KIAA1217: variants seen among roughly 807,000 people sequenced by gnomAD.
KIAA1217 encodes the protein sickle tail protein homolog.
In KIAA1217, 88 loss-of-function variants were observed where a neutral mutation model predicts 163.9. The observed-to-expected ratio is 0.54, with a 90% CI of 0.45 to 0.64. KIAA1217 has a LOEUF of 0.64. KIAA1217 is among the 30% of genes least tolerant of loss of function. The probability of loss-of-function intolerance (pLI) is 0.00; values close to 1 mark genes in which losing one functional copy is unlikely to be tolerated. For synonymous variants in KIAA1217, 903 were observed against 923.1 expected (o/e 0.98, Z 0.39); for missense variants, 2,372 against 2,475.0 (o/e 0.96, Z 0.88).
At chr10:24,430,297 G>A (rs1008880359) in intron 3 of KIAA1217, among the ~76,000 whole-genome samples, 10 of 152,214 alleles carry the variant, frequency 6.6e-5, no homozygotes, top group Admixed American at 3.9e-4. Flanking sequence ...TGGTCAGCCA[G>A]AATCCAGTGT....
intron 2 of KIAA1217, among the ~76,000 whole-genome samples, chr10:24,305,920 G>A (rs902539150): frequency 2.0e-5 from 3 of 152,004 alleles, no homozygotes; most frequent in African/African-American, 7.3e-5. Flanking sequence ...GATCGCCCAG[G>A]AGAGGAAATA....
chr10:23,989,370 T>C (rs988095374), intron 1 of KIAA1217, among the ~76,000 whole-genome samples: 15 of 152,226 alleles, frequency 9.9e-5, no homozygotes, highest in African/African-American at 3.6e-4. Flanking sequence ...TAAAACTATG[T>C]ATTTTTTTAT....
chr10:24,002,117 G>T (rs1846769675), intron 1 of KIAA1217, among the ~76,000 whole-genome samples: 1 of 152,172 alleles, frequency 6.6e-6, no homozygotes, highest in African/African-American at 2.4e-5. Context: ...CAATCTCACG[G>T]GGCTCTCAGG....
intron 1 of KIAA1217, among the ~76,000 whole-genome samples, chr10:23,788,286 C>G (rs1243877372): frequency 6.6e-6 from 1 of 152,010 alleles, no homozygotes; most frequent in Admixed American, 6.6e-5. Context: ...TGTTGATAGC[C>G]CAGTGGGAGA....
Position 23,780,882 on chromosome 10 carries a change from T to C in KIAA1217, c.-321+85648T>C, listed in dbSNP as rs181095016. On this transcript the variant is annotated intron_variant, in intron 1 of 18. Transcript: ENST00000376462. Reference sequence around the variant, plus strand: ...TTTTAGTAGAGACTGGGTTTCGCCATGTTAGGTAGGCTGGTCTCGAACTCC... The same window carrying C: ...TTTTAGTAGAGACTGGGTTTCGCCACGTTAGGTAGGCTGGTCTCGAACTCC... 3.3e-3 allele frequency among the ~76,000 whole-genome samples: 497 copies of C among 152,254 alleles called. 2 individuals carry two copies. The highest frequency in any genetic ancestry group is 0.013 in the Admixed American group (201 of 15,282).
At chr10:24,361,112 A>AT (rs1397029980) in intron 2 of KIAA1217, among the ~76,000 whole-genome samples, 1 of 151,786 alleles carries the variant, frequency 6.6e-6, no homozygotes, top group African/African-American at 2.4e-5. Flanking sequence ...TCCTTCTCCT[A>AT]TTTTTTTCTA....
At chr10:24,374,745 A>G (rs143671656) in intron 2 of KIAA1217, among the ~76,000 whole-genome samples, 4 of 152,178 alleles carry the variant, frequency 2.6e-5, no homozygotes, top group African/African-American at 9.7e-5. Context: ...CCAAGAAGAC[A>G]TGCATAGCTA....
At chr10:24,402,798 A>G (rs1038558368) in intron 3 of KIAA1217, among the ~76,000 whole-genome samples, 1 of 152,214 alleles carries the variant, frequency 6.6e-6, no homozygotes, top group African/African-American at 2.4e-5. Flanking sequence ...TGGTTTACAA[A>G]TATTTCCTTT....
chr10:24,065,366 G>T (rs1449886456), intron 2 of KIAA1217, among the ~76,000 whole-genome samples: 1 of 152,100 alleles, frequency 6.6e-6, no homozygotes, highest in Non-Finnish European at 1.5e-5. Flanking sequence ...TGGTTTCAAA[G>T]AACATCTTTA....
intron 3 of KIAA1217, among the ~76,000 whole-genome samples, chr10:24,393,965 G>A (rs745908729): frequency 6.6e-6 from 1 of 152,208 alleles, no homozygotes; most frequent in Non-Finnish European, 1.5e-5. Flanking sequence ...TATGACAGTT[G>A]TCACAAACAT....
In KIAA1217 at chr10:24,543,505, A is replaced by C; in HGVS notation, c.4235A>C (p.Gln1412Pro). Residue 1412 changes from glutamine to proline, a missense_variant, in exon 19 of 21, where the codon CAG (glutamine) becomes CCG (proline). Around this residue, in one of 3 missense-constraint regions of KIAA1217, gnomAD observed 690 missense variants for 677.5 expected, o/e 1.02. Transcript: ENST00000376454. ...DIVSQKGEDI[Q>P]TVNIDARKEM... The stretch of plus-strand genomic sequence containing the variant: ...GTTAGCCAAAAGGGAGAAGACATAC[A>C]GACGGTTAATATCGATGCCAGAAAA... 1 of 1,614,208 alleles carries C rather than the reference A, an allele frequency of 6.2e-7. No homozygotes were observed. Among genetic ancestry groups the C allele is most frequent in the East Asian group, 2.2e-5 (1 of 44,886 alleles).
At position 23,939,932 on chromosome 10, in the gene KIAA1217, A is replaced by G. The variant is rs986397017; in HGVS notation, c.-320-67293A>G. 1.1e-4 allele frequency among the ~76,000 whole-genome samples: 17 copies of G among 149,644 alleles called. 1 individual carries two copies. In the East Asian group the frequency reaches 3.3e-3, roughly 29 times the overall value. Reference sequence around the variant, plus strand: ...ATATTTACTGTTTAGTAAATATGACACATATTAAATATATAATATTAAATA... The same window carrying G: ...ATATTTACTGTTTAGTAAATATGACGCATATTAAATATATAATATTAAATA... On this transcript the variant is annotated intron_variant, in intron 1 of 18. Transcript: ENST00000376462.
intron 2 of KIAA1217, among the ~76,000 whole-genome samples, chr10:24,150,910 TCCTGG>T (rs1219959863): frequency 6.6e-6 from 1 of 152,162 alleles, no homozygotes; most frequent in Non-Finnish European, 1.5e-5. Context: ...GGCAGCATGC[TCCTGG>T]CTGTCATTCT....
At chr10:24,293,485 T>A (rs1424513186) in intron 2 of KIAA1217, among the ~76,000 whole-genome samples, 1 of 152,230 alleles carries the variant, frequency 6.6e-6, no homozygotes, top group Admixed American at 6.5e-5. Flanking sequence ...GCATTTAGCA[T>A]CTTTACACAC....
chr10:24,394,766 C>T (rs1489239206), intron 3 of KIAA1217, among the ~76,000 whole-genome samples: 1 of 152,188 alleles, frequency 6.6e-6, no homozygotes, highest in Non-Finnish European at 1.5e-5. Context: ...GCCAGTTTCC[C>T]ATACCCACAT....
chr10:24,389,321 T>TCC (rs943862640), intron 3 of KIAA1217, among the ~76,000 whole-genome samples: 6 of 151,926 alleles, frequency 3.9e-5, no homozygotes, highest in African/African-American at 7.2e-5. Flanking sequence ...AAACACCACA[T>TCC]GTTCTCACTC....
intron 10 of KIAA1217, among the ~76,000 whole-genome samples, chr10:24,518,232 T>C (rs993536584): frequency 6.6e-6 from 1 of 152,230 alleles, no homozygotes. Flanking sequence ...TTGATTACCA[T>C]GTCAAAAATT....
At position 24,473,391 on chromosome 10, in the gene KIAA1217, C is replaced by G. The variant is rs571833641; in HGVS notation, c.1010C>G (p.Ser337Cys). The G allele has an allele frequency of 2.6e-4, 420 of 1,613,672 alleles. 6 individuals carry two copies. The South Asian group carries it at 4.4e-3, about 17-fold the overall frequency. The stretch of plus-strand genomic sequence containing the variant: ...AGAATTCCTTATGGGGGCACCCGCT[C>G]CATGGTTGTTCCTGGCAATGCCACC... ...PSRIPYGGTR[S>C]MVVPGNATIP... The change falls in exon 6 of 21, where the codon TCC becomes TGC. Residue 337 changes from serine (S) to cysteine (C), a missense_variant. Transcript: ENST00000376454.
intron 1 of KIAA1217, among the ~76,000 whole-genome samples, chr10:23,852,275 C>A (rs1208331751): frequency 1.3e-5 from 2 of 152,122 alleles, no homozygotes; most frequent in Non-Finnish European, 2.9e-5. Flanking sequence ...ATAGGAAATC[C>A]TTTCCCCATT....
Sources: gnomAD v4.1 joint callset for allele counts (sites outside exome capture counted in the v4.1 genomes callset) on GRCh38, gnomAD v4.1.1 for gene constraint, gnomAD v4.1.1 regional missense constraint, MANE v1.5 for transcripts, NCBI Gene and HGNC (gene_info 2026-07-23, HGNC 2026-07-21) for gene names.